Variants in LINGO2 observed in about 807,000 individuals in gnomAD.
The protein encoded by LINGO2 is leucine-rich repeat and immunoglobulin-like domain-containing nogo receptor-interacting protein 2.
Under a neutral mutation model 30.6 loss-of-function variants are expected in LINGO2, and 14 were observed. The observed-to-expected ratio is 0.46, with a 90% confidence interval of 0.30 to 0.72. The LOEUF is 0.72. LINGO2 is among the 30% of genes least tolerant of loss of function. The pLI, the probability that LINGO2 is intolerant of heterozygous loss-of-function variation, is 0.07. For missense variants in LINGO2, 729 were observed against 751.7 expected (o/e 0.97, Z 0.35); for synonymous variants, 317 against 288.5 (o/e 1.10, Z -1.00).
chr9:28,151,175 A>G (rs1478696930), intron 4 of LINGO2, among the ~76,000 whole-genome samples: 6 of 152,194 alleles, frequency 3.9e-5, no homozygotes, highest in African/African-American at 1.4e-4. Flanking sequence ...CAATAATAAC[A>G]TATTATGACC....
intron 2 of LINGO2, among the ~76,000 whole-genome samples, chr9:28,394,594 G>C (rs1204618014): frequency 6.6e-6 from 1 of 152,162 alleles, no homozygotes; most frequent in Non-Finnish European, 1.5e-5. Flanking sequence ...GCAGATACAA[G>C]ATAGGTGATT....
At chr9:28,710,448 T>C in the LINGO2 span, among the ~76,000 whole-genome samples, 25 of 152,110 alleles carry the variant, frequency 1.6e-4, no homozygotes, top group Admixed American at 3.3e-4. Flanking sequence ...GAATAAAAAA[T>C]GTCATGCACA....
chr9:28,621,379 C>G (rs1826384002), intron 1 of LINGO2, among the ~76,000 whole-genome samples: 2 of 151,588 alleles, frequency 1.3e-5, no homozygotes, highest in Admixed American at 1.3e-4. Context: ...TTCTGTCTTT[C>G]CAAAATGTTT....
the LINGO2 span, among the ~76,000 whole-genome samples, chr9:29,013,783 T>A: frequency 1.3e-5 from 2 of 152,140 alleles, no homozygotes; most frequent in Non-Finnish European, 2.9e-5. Flanking sequence ...GATTTCAACA[T>A]CTTATATGGA....
At chr9:28,599,349 A>G (rs1490683901) in intron 1 of LINGO2, 6 of 152,178 alleles carry the variant, frequency 3.9e-5, no homozygotes, top group African/African-American at 1.4e-4. Context: ...GTAATACTGA[A>G]CAATATTATT....
chr9:29,147,232 C>T, the LINGO2 span, among the ~76,000 whole-genome samples: 1 of 152,002 alleles, frequency 6.6e-6, no homozygotes, highest in Non-Finnish European at 1.5e-5. Context: ...GTATCAGCTA[C>T]ACACCATCAA....
At chr9:28,992,201 G>T in the LINGO2 span, among the ~76,000 whole-genome samples, 1 of 151,708 alleles carries the variant, frequency 6.6e-6, no homozygotes, top group Admixed American at 6.6e-5. Context: ...ACAAAAAAAG[G>T]CAGGGGTTGC....
At chr9:28,418,273 TA>T (rs1823049238) in intron 2 of LINGO2, among the ~76,000 whole-genome samples, 1 of 135,084 alleles carries the variant, frequency 7.4e-6, no homozygotes, top group Non-Finnish European at 1.6e-5. Context: ...TTAGGCCATG[TA>T]CTTTTTTTTT....
At chr9:28,865,667 C>T in the LINGO2 span, among the ~76,000 whole-genome samples, 1 of 152,048 alleles carries the variant, frequency 6.6e-6, no homozygotes, top group South Asian at 2.1e-4. Context: ...GCCTGTAGTC[C>T]CAGCTACTCG....
the LINGO2 span, among the ~76,000 whole-genome samples, chr9:29,145,482 A>ACAGTAT: frequency 6.6e-6 from 1 of 152,114 alleles, no homozygotes; most frequent in Admixed American, 6.6e-5. Context: ...CAGAATTATA[A>ACAGTAT]GAGAAAAAAT....
the LINGO2 span, among the ~76,000 whole-genome samples, chr9:28,873,268 G>A: frequency 6.6e-6 from 1 of 151,536 alleles, no homozygotes; most frequent in Non-Finnish European, 1.5e-5. Flanking sequence ...TACTTGGGAG[G>A]CTGAGGGAGG....
chr9:28,848,389 G>GTA, the LINGO2 span, among the ~76,000 whole-genome samples: 8 of 52,296 alleles, frequency 1.5e-4, no homozygotes, highest in East Asian at 1.1e-3. Context: ...GTGTGTGTGT[G>GTA]TGTGTGTGTA....
intron 1 of LINGO2, among the ~76,000 whole-genome samples, chr9:28,607,570 G>A (rs1825744427): frequency 6.6e-6 from 1 of 151,980 alleles, no homozygotes; most frequent in African/African-American, 2.4e-5. Flanking sequence ...ACATTTTCAG[G>A]TCTAGCTTGT....
At chr9:28,953,633 C>T in the LINGO2 span, among the ~76,000 whole-genome samples, 2 of 151,910 alleles carry the variant, frequency 1.3e-5, no homozygotes, top group African/African-American at 4.8e-5. Context: ...CTGCATTCAA[C>T]CTGTGTGATA....
intron 4 of LINGO2, among the ~76,000 whole-genome samples, chr9:28,018,308 C>T (rs1164642267): frequency 6.6e-6 from 1 of 152,116 alleles, no homozygotes; most frequent in African/African-American, 2.4e-5. Flanking sequence ...GCAAAGATTT[C>T]ATGATGAAGA....
intron 4 of LINGO2, among the ~76,000 whole-genome samples, chr9:28,033,160 A>AT (rs1447395766): frequency 6.6e-6 from 1 of 152,214 alleles, no homozygotes; most frequent in Non-Finnish European, 1.5e-5. Flanking sequence ...TGTGCCTTCC[A>AT]TTCCCTTTGC....
Position 27,988,158 on chromosome 9 carries a change from C to A in LINGO2, c.-36+24197G>T, listed in dbSNP as rs188157565. The stretch of plus-strand genomic sequence containing the variant: ...GAGAATGATGGTTTCCTGCTTCATC[C>A]ATGTCCCTACAAAGGACATGAACTC... On this transcript the variant is annotated intron_variant, in intron 5 of 5. Coordinates refer to ENST00000379992, the Ensembl canonical transcript of LINGO2. Among the ~76,000 whole-genome samples, 622 of 152,108 alleles carry A rather than the reference C, an allele frequency of 4.1e-3. 2 individuals carry two copies. Among genetic ancestry groups the A allele is most frequent in the African/African-American group, 0.014 (592 of 41,522 alleles).
At chr9:28,816,104 G>A in the LINGO2 span, among the ~76,000 whole-genome samples, 70 of 152,232 alleles carry the variant, frequency 4.6e-4, no homozygotes, top group African/African-American at 1.7e-3. Context: ...TGAGGAATCC[G>A]CATCTACCAT....
At chr9:28,245,084 C>T (rs1433938923) in intron 4 of LINGO2, among the ~76,000 whole-genome samples, 2 of 152,056 alleles carry the variant, frequency 1.3e-5, no homozygotes, top group African/African-American at 4.8e-5. Context: ...AAATCCAGCA[C>T]CACATCAAAA....
Sources: gnomAD v4.1 joint callset for allele counts (sites outside exome capture counted in the v4.1 genomes callset) on GRCh38, gnomAD v4.1.1 for gene constraint, MANE v1.5 for transcripts, NCBI Gene and HGNC (gene_info 2026-07-23, HGNC 2026-07-21) for gene names.